The following SLC4A10 variants were observed in gnomAD, a reference collection of about 807,000 sequenced individuals.
The protein encoded by SLC4A10 is solute carrier family 4 member 10.
A neutral mutation model predicts 137.7 loss-of-function variants in SLC4A10; 42 were observed. The ratio of observed to expected loss-of-function variants is 0.30; its 90% confidence interval spans 0.24 to 0.39. SLC4A10 has a LOEUF of 0.39. Among genes scored for constraint, SLC4A10 ranks in the 10% least tolerant of loss-of-function variants. SLC4A10 has a pLI of 1.00. For missense variants in SLC4A10, 925 were observed against 1,355.0 expected (o/e 0.68, Z 4.98); for synonymous variants, 474 against 464.1 (o/e 1.02, Z -0.27).
intron 23 of SLC4A10, among the ~76,000 whole-genome samples, chr2:161,970,710 T>C (rs1380080502): frequency 2.6e-5 from 4 of 152,240 alleles, no homozygotes; most frequent in Non-Finnish European, 5.9e-5. Flanking sequence ...AATGAACCTA[T>C]TTCACTAAAG....
intron 3 of SLC4A10, among the ~76,000 whole-genome samples, chr2:161,829,838 A>C (rs557865923): frequency 9.2e-5 from 14 of 152,306 alleles, no homozygotes; most frequent in Non-Finnish European, 1.8e-4. Context: ...AGGAAGGCAC[A>C]TCTTACATGG....
intron 15 of SLC4A10, among the ~76,000 whole-genome samples, chr2:161,939,107 C>T (rs374007642): frequency 8.5e-5 from 13 of 152,100 alleles, no homozygotes; most frequent in South Asian, 6.2e-4. Flanking sequence ...AGACCAGTCT[C>T]GCTCTGTCGC....
intron 9 of SLC4A10, among the ~76,000 whole-genome samples, chr2:161,880,949 G>T (rs1033725539): frequency 6.6e-6 from 1 of 152,058 alleles, no homozygotes; most frequent in Non-Finnish European, 1.5e-5. Context: ...TGTGAAAACT[G>T]TCAGGTTTAA....
At chr2:161,856,342 A>G (rs953048457) in intron 5 of SLC4A10, among the ~76,000 whole-genome samples, 1 of 143,868 alleles carries the variant, frequency 7.0e-6, no homozygotes, top group Non-Finnish European at 1.5e-5. Context: ...TTAAGCAAAA[A>G]CTCCAAAAAT....
chr2:161,787,155 C>T (rs971215867), intron 2 of SLC4A10, among the ~76,000 whole-genome samples: 14 of 152,024 alleles, frequency 9.2e-5, no homozygotes, highest in African/African-American at 1.7e-4. Context: ...TTGAGAAAGA[C>T]TTTATTTCTC....
intron 1 of SLC4A10, among the ~76,000 whole-genome samples, chr2:161,741,257 T>C (rs1446629296): frequency 3.1e-4 from 7 of 22,480 alleles, no homozygotes; most frequent in Non-Finnish European, 6.3e-4. Flanking sequence ...AGAAAGACTC[T>C]CAAAAAAAAA....
At chr2:161,956,929 G>A (rs1438200692) in intron 19 of SLC4A10, 60 bp from the exon 20 acceptor site, 1 of 1,485,460 alleles carries the variant, frequency 6.7e-7, no homozygotes, top group East Asian at 2.5e-5. Context: ...TCGCAATCAG[G>A]CCACCCTTAG....
At chr2:161,750,725 G>A (rs896687193) in intron 1 of SLC4A10, among the ~76,000 whole-genome samples, 18 of 151,704 alleles carry the variant, frequency 1.2e-4, no homozygotes, top group African/African-American at 2.9e-4. Context: ...AAAAAGTTGT[G>A]TATATGTCTA....
chr2:161,630,400 G>T (rs1380287639), intron 1 of SLC4A10, among the ~76,000 whole-genome samples: 3 of 84,732 alleles, frequency 3.5e-5, no homozygotes, highest in Non-Finnish European at 7.2e-5. Flanking sequence ...GTTTTGGAAG[G>T]TTATTCATTG....
At chr2:161,716,337 G>T (rs913011459) in intron 1 of SLC4A10, among the ~76,000 whole-genome samples, 1 of 151,962 alleles carries the variant, frequency 6.6e-6, no homozygotes, top group African/African-American at 2.4e-5. Context: ...AGTTTAATTA[G>T]ATCCCATTTG....
chr2:161,907,463 A>G (rs1210688598), intron 15 of SLC4A10, among the ~76,000 whole-genome samples: 1 of 152,186 alleles, frequency 6.6e-6, no homozygotes, highest in Non-Finnish European at 1.5e-5. Context: ...GCCAGGCACT[A>G]TACTAGGTGC....
At chr2:161,678,919 G>A (rs2040552757) in intron 1 of SLC4A10, among the ~76,000 whole-genome samples, 1 of 152,046 alleles carries the variant, frequency 6.6e-6, no homozygotes. Flanking sequence ...AAACCAATAT[G>A]AATATTCTCA....
chr2:161,660,686 C>A (rs1310516335), intron 1 of SLC4A10, among the ~76,000 whole-genome samples: 1 of 130,156 alleles, frequency 7.7e-6, no homozygotes, highest in African/African-American at 3.4e-5. Flanking sequence ...CAGCGTCTTG[C>A]TCTGTCACCT....
chr2:161,714,507 C>G (rs1045707019), intron 1 of SLC4A10, among the ~76,000 whole-genome samples: 2 of 151,902 alleles, frequency 1.3e-5, no homozygotes, highest in African/African-American at 4.8e-5. Context: ...CTCCATGAAA[C>G]TACTCTTTCT....
intron 1 of SLC4A10, among the ~76,000 whole-genome samples, chr2:161,735,445 T>C (rs971379031): frequency 6.6e-6 from 1 of 152,184 alleles, no homozygotes; most frequent in Admixed American, 6.6e-5. Context: ...CATTTCATGA[T>C]TATCTATTAC....
chr2:161,754,377 A>T (rs1467485617), intron 1 of SLC4A10, among the ~76,000 whole-genome samples: 1 of 152,188 alleles, frequency 6.6e-6, no homozygotes. Flanking sequence ...CTGTGACAAA[A>T]TTAGGAACCA....
At chr2:161,840,795 A>C (rs908777598) in intron 4 of SLC4A10, among the ~76,000 whole-genome samples, 5 of 152,214 alleles carry the variant, frequency 3.3e-5, no homozygotes, top group African/African-American at 9.6e-5. Flanking sequence ...CACCTGGAAT[A>C]TTGTTTAAAA....
At chr2:161,720,422 A>G (rs553479542) in intron 1 of SLC4A10, among the ~76,000 whole-genome samples, 3 of 152,212 alleles carry the variant, frequency 2.0e-5, no homozygotes, top group Admixed American at 2.0e-4. Flanking sequence ...TTTTTTTCCA[A>G]TTCTGTGAAG....
chr2:161,881,565 G>A (rs2061783476), intron 9 of SLC4A10, among the ~76,000 whole-genome samples: 1 of 151,982 alleles, frequency 6.6e-6, no homozygotes. Context: ...ATACTTAACA[G>A]CATAAACCAT....
Sources: gnomAD v4.1 joint callset for allele counts (sites outside exome capture counted in the v4.1 genomes callset) on GRCh38, gnomAD v4.1.1 for gene constraint, MANE v1.5 for transcripts, NCBI Gene and HGNC (gene_info 2026-07-23, HGNC 2026-07-21) for gene names.